Variants in MKNK1 observed in about 807,000 individuals in gnomAD.
MKNK1 encodes the protein MAP kinase-interacting serine/threonine-protein kinase 1.
In MKNK1, 30 loss-of-function variants were observed where a neutral mutation model predicts 49.3. The ratio of observed to expected loss-of-function variants is 0.61; its 90% CI spans 0.46 to 0.83. The LOEUF is 0.83. MKNK1 is among the 40% of genes least tolerant of loss of function. MKNK1 has a pLI of 0.00. For synonymous variants in MKNK1, 176 were observed against 201.7 expected (o/e 0.87, Z 1.08); for missense variants, 423 against 524.7 (o/e 0.81, Z 1.89).
intron 1 of MKNK1, among the ~76,000 whole-genome samples, chr1:46,602,640 T>G (rs898977475): frequency 2.7e-5 from 4 of 149,920 alleles, no homozygotes; most frequent in African/African-American, 7.4e-5. Flanking sequence ...ACACTGAGAT[T>G]TTTTTGCAAT....
chr1:46,568,253 G>T, intron 8 of MKNK1, 190 bp downstream of exon 8: 1 of 598,648 alleles, frequency 1.7e-6, no homozygotes, highest in Non-Finnish European at 3.0e-6. Context: ...TCACACTGAT[G>T]ATCAAGAGCG....
chr1:46,574,931 A>G lies in MKNK1; in HGVS notation c.352+16T>C. Reference sequence around the variant, plus strand: ...GTCTTAATCAGAAGTCCACACACATACTCAACGGTAAGTACCTCCTTGCAA... The same window carrying G: ...GTCTTAATCAGAAGTCCACACACATGCTCAACGGTAAGTACCTCCTTGCAA... On this transcript the variant is annotated intron_variant, in intron 6 of 12. Transcript: ENST00000371945. 1 of 1,579,224 alleles carries G rather than the reference A, an allele frequency of 6.3e-7. No homozygotes were observed. Among genetic ancestry groups the G allele is most frequent in the Non-Finnish European group, 8.7e-7 (1 of 1,149,308 alleles).
At chr1:46,599,131 G>A (rs914891089) in intron 1 of MKNK1, among the ~76,000 whole-genome samples, 13 of 152,100 alleles carry the variant, frequency 8.5e-5, no homozygotes, top group African/African-American at 2.9e-4. Context: ...GCAACCCAAC[G>A]ACTCTGTGAA....
intron 2 of MKNK1, among the ~76,000 whole-genome samples, chr1:46,591,534 T>G (rs955993777): frequency 6.6e-6 from 1 of 151,926 alleles, no homozygotes; most frequent in African/African-American, 2.4e-5. Context: ...GAGAATGAAG[T>G]GTGTGCTGAA....
At chr1:46,598,017 C>A (rs566203810) in intron 1 of MKNK1, among the ~76,000 whole-genome samples, 1 of 152,330 alleles carries the variant, frequency 6.6e-6, no homozygotes, top group South Asian at 2.1e-4. Flanking sequence ...TGGATTCTGG[C>A]TTTAAGTACA....
chr1:46,587,701 C>T (rs1227544840), intron 2 of MKNK1, among the ~76,000 whole-genome samples: 1 of 152,134 alleles, frequency 6.6e-6, no homozygotes, highest in African/African-American at 2.4e-5. Flanking sequence ...CCTGTAATCC[C>T]AGCTACTCGG....
chr1:46,590,048 C>A (rs747817376), intron 2 of MKNK1, among the ~76,000 whole-genome samples: 1 of 152,102 alleles, frequency 6.6e-6, no homozygotes, highest in Non-Finnish European at 1.5e-5. Context: ...CCTTTAAGAG[C>A]GATTTCCCTC....
chr1:46,572,388 C>CTT, intron 6 of MKNK1: 68 of 316,856 alleles, frequency 2.1e-4, no homozygotes, highest in South Asian at 4.3e-4. Flanking sequence ...AATTTTTGTA[C>CTT]TTTTTTTTTT....
chr1:46,581,316 T>G (rs965081106), intron 3 of MKNK1, among the ~76,000 whole-genome samples: 1 of 151,784 alleles, frequency 6.6e-6, no homozygotes, highest in Non-Finnish European at 1.5e-5. Flanking sequence ...ATCGAGACCA[T>G]CCTGGCCAAT....
rs115427017 is a variant in MKNK1, at chr1:46,601,474, C to T, written c.-171+2711G>A. ...ATTAGAAAACCACCTGTGAGCTTTC[C>T]CCTGTTTGAACTGTACTATTAATAC... On this transcript the variant is annotated intron_variant, in intron 1 of 12. Transcript: ENST00000371945. Among the ~76,000 whole-genome samples, 1,081 of 152,312 alleles carry T rather than the reference C, an allele frequency of 7.1e-3. 10 individuals are homozygous for T. The highest frequency in any genetic ancestry group is 0.024 in the African/African-American group (1,017 of 41,552).
chr1:46,564,026 C>T (rs541493733), intron 9 of MKNK1, among the ~76,000 whole-genome samples: 9 of 55,550 alleles, frequency 1.6e-4, no homozygotes, highest in Admixed American at 3.9e-4. Context: ...GCCTGGGCAA[C>T]AGAGCAAGAC....
In MKNK1 at chr1:46,558,375, AC is replaced by A. The variant is rs35840711; in HGVS notation, c.*199del. On this transcript the variant is annotated 3_prime_UTR_variant, in exon 13 of 13. Coordinates refer to ENST00000371945, the MANE Select transcript of MKNK1 (RefSeq NM_001135553.4). Reference sequence around the variant, plus strand: ...GTGATTGCTTTCCTTTTCAAAGACAACCCCTTTGGAAAAAGCTTTTTCCTCC... The same window carrying A: ...GTGATTGCTTTCCTTTTCAAAGACAACCCTTTGGAAAAAGCTTTTTCCTCC... 2 of 555,924 alleles carry A rather than the reference AC, an allele frequency of 3.6e-6. No homozygotes were observed. Among genetic ancestry groups the A allele is most frequent in the Non-Finnish European group, 3.1e-6 (1 of 321,350 alleles). The allele number at this position is 555,924 out of a possible 1,614,324, so 34.4% of individuals were successfully genotyped here. A position where few individuals can be genotyped will look rare whatever the true frequency, so the allele number is the denominator to read the frequency against.
At chr1:46,572,257 A>C (rs1670298433) in intron 6 of MKNK1, 90 bp from the exon 7 acceptor site, 1 of 1,078,428 alleles carries the variant, frequency 9.3e-7, no homozygotes, top group Non-Finnish European at 1.4e-6. Flanking sequence ...TCTGTTACCC[A>C]GGCTGGAGAG....
In MKNK1 at chr1:46,576,568, T is replaced by C; in HGVS notation, c.278+7A>G. On this transcript the variant is annotated splice_region_variant and intron_variant, in intron 5 of 12. Transcript: ENST00000371945. Reference sequence around the variant, plus strand: ...CAGAGAAGCAGCGAGAATCACATGATACTCACTTGTTTCCCTGACACTGAT... The same window carrying C: ...CAGAGAAGCAGCGAGAATCACATGACACTCACTTGTTTCCCTGACACTGAT... 1 of 1,611,634 alleles carries C rather than the reference T, an allele frequency of 6.2e-7. No individual in the cohort carries two copies. The highest frequency in any genetic ancestry group is 8.5e-7 in the Non-Finnish European group (1 of 1,177,786).
chr1:46,580,918 A>C (rs1016407870), intron 3 of MKNK1, among the ~76,000 whole-genome samples: 3 of 152,166 alleles, frequency 2.0e-5, no homozygotes, highest in Non-Finnish European at 4.4e-5. Context: ...AGACAGCATA[A>C]CAGAGTAAGG....
chr1:46,599,362 T>G (rs1212915959), intron 1 of MKNK1, among the ~76,000 whole-genome samples: 1 of 152,166 alleles, frequency 6.6e-6, no homozygotes, highest in Non-Finnish European at 1.5e-5. Flanking sequence ...CAGACCCTTT[T>G]GTAACGTCAA....
intron 2 of MKNK1, among the ~76,000 whole-genome samples, chr1:46,584,021 G>A (rs982834062): frequency 2.0e-5 from 3 of 152,206 alleles, no homozygotes; most frequent in Non-Finnish European, 2.9e-5. Flanking sequence ...TGCTGGATGA[G>A]GTCACTTATT....
chr1:46,564,915 G>T, intron 9 of MKNK1, 126 bp downstream of exon 9: 5 of 908,742 alleles, frequency 5.5e-6, no homozygotes, highest in South Asian at 1.6e-5. Flanking sequence ...CAAGCAAAAT[G>T]ATCACTCAGG....
chr1:46,585,735 C>A, intron 2 of MKNK1: 1 of 526,778 alleles, frequency 1.9e-6, no homozygotes, highest in Non-Finnish European at 3.9e-6. Flanking sequence ...AATGAGAAAA[C>A]CCTGTTAGCG....
Sources: allele counts gnomAD v4.1 joint callset (sites outside exome capture counted in the v4.1 genomes callset), GRCh38; gene constraint gnomAD v4.1.1; transcripts MANE v1.5; gene names NCBI Gene and HGNC (gene_info 2026-07-23, HGNC 2026-07-21).